FOXP2: variants seen among roughly 807,000 people sequenced by gnomAD.
The protein encoded by FOXP2 is forkhead box protein P2.
FOXP2 carries 12 observed loss-of-function variants against 115.8 expected under a neutral mutation model. That is an observed-to-expected ratio of 0.10 (90% CI 0.07 to 0.17). The LOEUF (loss-of-function observed/expected upper bound fraction) is 0.17, where lower values mean the gene tolerates loss of function less well. FOXP2 is among the 10% of genes least tolerant of loss of function. The pLI, the probability that FOXP2 is intolerant of heterozygous loss-of-function variation, is 1.00. For missense variants in FOXP2, 629 were observed against 843.5 expected (o/e 0.75, Z 3.15); for synonymous variants, 328 against 297.7 (o/e 1.10, Z -1.05).
intron 2 of FOXP2, among the ~76,000 whole-genome samples, chr7:114,434,109 G>C (rs1449372813): frequency 6.6e-6 from 1 of 151,696 alleles, no homozygotes; most frequent in Non-Finnish European, 1.5e-5. Context: ...TCAGGCAGTT[G>C]TATTCTTTCT....
Position 114,530,228 on chromosome 7 carries a change from T to A in FOXP2, c.169-4389T>A, listed in dbSNP as rs1799076855. 1.3e-5 allele frequency among the ~76,000 whole-genome samples: 2 copies of A among 151,926 alleles called. 1 individual carries two copies. The highest frequency in any genetic ancestry group is 1.3e-4 in the Admixed American group (2 of 15,216). ...TGAAACCAATTACAGGAGATCCATT[T>A]GGGCTGCATCTATTTTCATAAGAAG... On this transcript the variant is annotated intron_variant, in intron 2 of 16. Transcript: ENST00000350908.
At chr7:114,248,649 A>G (rs1162602872) in intron 1 of FOXP2, among the ~76,000 whole-genome samples, 1 of 152,162 alleles carries the variant, frequency 6.6e-6, no homozygotes, top group Non-Finnish European at 1.5e-5. Context: ...AATGTGGAGT[A>G]AGCTTATTTT....
chr7:114,091,246 T>C (rs1043221033), intron 1 of FOXP2, among the ~76,000 whole-genome samples: 7 of 151,688 alleles, frequency 4.6e-5, no homozygotes, highest in Non-Finnish European at 1.0e-4. Flanking sequence ...CATAAAGAAA[T>C]AGTATGACCT....
intron 2 of FOXP2, among the ~76,000 whole-genome samples, chr7:114,518,784 G>A (rs565485978): frequency 2.6e-5 from 4 of 152,142 alleles, no homozygotes; most frequent in African/African-American, 9.7e-5. Flanking sequence ...GGGATTATGG[G>A]CATGAGCCAC....
chr7:114,160,808 G>A (rs980405284), upstream of FOXP2, among the ~76,000 whole-genome samples: 7 of 151,754 alleles, frequency 4.6e-5, no homozygotes, highest in African/African-American at 1.7e-4. Flanking sequence ...GTGTGTGTGT[G>A]TGAGTAGTTC....
chr7:114,400,258 T>C (rs1265213514), intron 2 of FOXP2, among the ~76,000 whole-genome samples: 3 of 152,134 alleles, frequency 2.0e-5, no homozygotes, highest in African/African-American at 7.2e-5. Context: ...TTAAATAGAT[T>C]TGTAAAACTC....
intron 3 of FOXP2, among the ~76,000 whole-genome samples, chr7:114,571,550 T>C (rs902237529): frequency 1.3e-5 from 2 of 151,856 alleles, no homozygotes; most frequent in Non-Finnish European, 2.9e-5. Flanking sequence ...TTCACAGTCA[T>C]GGGTTCTGTA....
chr7:114,150,847 A>G (rs1042628496), intron 1 of FOXP2, among the ~76,000 whole-genome samples: 5 of 151,978 alleles, frequency 3.3e-5, no homozygotes, highest in Non-Finnish European at 7.4e-5. Flanking sequence ...TTTTGATCAG[A>G]TTGTATTTAC....
At chr7:114,570,016 T>C (rs570294770) in intron 3 of FOXP2, among the ~76,000 whole-genome samples, 1 of 152,034 alleles carries the variant, frequency 6.6e-6, no homozygotes, top group South Asian at 2.1e-4. Flanking sequence ...TCTAAGGATG[T>C]GTTGTCACAT....
chr7:114,560,776 G>A (rs759270402), intron 3 of FOXP2, among the ~76,000 whole-genome samples: 8 of 152,052 alleles, frequency 5.3e-5, no homozygotes, highest in Non-Finnish European at 1.0e-4. Context: ...CGTCCAAAAA[G>A]CTATTAACAT....
intron 1 of FOXP2, among the ~76,000 whole-genome samples, chr7:114,213,524 T>C (rs1794410037): frequency 6.6e-6 from 1 of 152,186 alleles, no homozygotes; most frequent in Non-Finnish European, 1.5e-5. Flanking sequence ...TGTAAACATA[T>C]ATAATTAATG....
At chr7:114,087,131 A>G (rs1262724904), upstream of FOXP2, among the ~76,000 whole-genome samples, 1 of 152,112 alleles carries the variant, frequency 6.6e-6, no homozygotes, top group Non-Finnish European at 1.5e-5. Flanking sequence ...TATTGATCCA[A>G]CTGCTGACCT....
Position 114,455,186 on chromosome 7 carries a change from A to G in FOXP2, c.168+28507A>G, listed in dbSNP as rs574934674. Among the ~76,000 whole-genome samples the G allele has an allele frequency of 3.3e-5, 5 of 152,310 alleles. No homozygotes were observed. The South Asian group carries it at 1.0e-3, about 32-fold the overall frequency. On this transcript the variant is annotated intron_variant, in intron 2 of 16. Coordinates refer to ENST00000350908, the MANE Select transcript of FOXP2 (RefSeq NM_014491.4). Reference sequence around the variant, plus strand: ...AGATATTCCTTAAGAATTTTAAGCTATCTGAACCCCAAACTGCATTTAAAA... The same window carrying G: ...AGATATTCCTTAAGAATTTTAAGCTGTCTGAACCCCAAACTGCATTTAAAA...
intron 2 of FOXP2, among the ~76,000 whole-genome samples, chr7:114,356,372 G>A (rs1189260613): frequency 1.3e-5 from 2 of 152,110 alleles, no homozygotes; most frequent in African/African-American, 2.4e-5. Context: ...ATAATATAAA[G>A]ACCATTCTGT....
intron 2 of FOXP2, among the ~76,000 whole-genome samples, chr7:114,348,205 G>A (rs1791393822): frequency 6.6e-6 from 1 of 151,996 alleles, no homozygotes. Flanking sequence ...ATTTAAAAAT[G>A]ATTAATAATA....
rs182290179 is a variant in FOXP2, at chr7:114,146,747, G to C, written c.-246-16197G>C. Among the ~76,000 whole-genome samples, 52 of 152,304 alleles carry C rather than the reference G, an allele frequency of 3.4e-4. 1 individual carries two copies. The South Asian group carries it at 0.011, about 31-fold the overall frequency. ...GAAAACAATTGTTGTTGCCATTGCTGTGTGTGACAGGCAGGAAAAACAATA... is the reference window on the plus strand; with the variant it reads ...GAAAACAATTGTTGTTGCCATTGCTCTGTGTGACAGGCAGGAAAAACAATA... On this transcript the variant is annotated intron_variant, in intron 1 of 19. Transcript: ENST00000635638.
intron 3 of FOXP2, among the ~76,000 whole-genome samples, chr7:114,608,349 C>CT (rs1431365663): frequency 6.6e-6 from 1 of 151,940 alleles, no homozygotes; most frequent in African/African-American, 2.4e-5. Flanking sequence ...TGTCTGCAAA[C>CT]TTTTTTTTAT....
intron 1 of FOXP2, among the ~76,000 whole-genome samples, chr7:114,115,705 C>A (rs1791389944): frequency 6.6e-6 from 1 of 152,098 alleles, no homozygotes; most frequent in Non-Finnish European, 1.5e-5. Flanking sequence ...TCTCATAACA[C>A]CCTGTTCTTT....
chr7:114,251,606 A>G (rs1314591365), intron 1 of FOXP2, among the ~76,000 whole-genome samples: 3 of 152,122 alleles, frequency 2.0e-5, no homozygotes, highest in Non-Finnish European at 2.9e-5. Context: ...TTATTGGTGT[A>G]TAAGAATGCT....
Sources: allele counts gnomAD v4.1 joint callset (sites outside exome capture counted in the v4.1 genomes callset), GRCh38; gene constraint gnomAD v4.1.1; transcripts MANE v1.5; gene names NCBI Gene and HGNC (gene_info 2026-07-23, HGNC 2026-07-21).